CNTN4: variants seen among roughly 807,000 people sequenced by gnomAD.
CNTN4 encodes contactin 4, also known as contactin-4.
Under a neutral mutation model 122.5 loss-of-function variants are expected in CNTN4, and 77 were observed. That is an observed-to-expected ratio of 0.63 (90% confidence interval 0.52 to 0.76). The LOEUF is 0.76. Among genes scored for constraint, CNTN4 ranks in the 30% least tolerant of loss-of-function variants. The pLI, the probability that CNTN4 is intolerant of heterozygous loss-of-function variation, is 0.00. For missense variants in CNTN4, 1,256 were observed against 1,259.1 expected, an observed-to-expected ratio of 1.00 and a Z score of 0.04; for synonymous variants, 512 against 447.0, an observed-to-expected ratio of 1.15 and a Z score of -1.83.
At chr3:2,898,737 A>G (rs1469204203) in intron 10 of CNTN4, among the ~76,000 whole-genome samples, 1 of 150,984 alleles carries the variant, frequency 6.6e-6, no homozygotes, top group Non-Finnish European at 1.5e-5. Context: ...TTTTTTCCTC[A>G]CTCTCTTTCA....
intron 14 of CNTN4, among the ~76,000 whole-genome samples, chr3:3,022,825 T>A (rs1698415486): frequency 6.6e-6 from 1 of 152,182 alleles, no homozygotes; most frequent in South Asian, 2.1e-4. Context: ...CTACACAGTA[T>A]GAACCAACCA....
At chr3:2,884,487 T>A (rs765014378) in intron 9 of CNTN4, among the ~76,000 whole-genome samples, 84 of 152,114 alleles carry the variant, frequency 5.5e-4, no homozygotes, top group Admixed American at 2.1e-3. Flanking sequence ...AATTAAGACA[T>A]AATTATAGGA....
intron 10 of CNTN4, among the ~76,000 whole-genome samples, chr3:2,896,989 G>A (rs1270294101): frequency 6.8e-6 from 1 of 147,464 alleles, no homozygotes; most frequent in Non-Finnish European, 1.5e-5. Flanking sequence ...AATTTCTAAG[G>A]CCTAAGGCAT....
intron 2 of CNTN4, among the ~76,000 whole-genome samples, chr3:2,216,028 A>G (rs1268176405): frequency 1.3e-5 from 2 of 152,162 alleles, no homozygotes; most frequent in African/African-American, 2.4e-5. Context: ...CAGCAATCCC[A>G]TTACTGAGTA....
chr3:2,809,061 C>G, intron 6 of CNTN4, among the ~76,000 whole-genome samples: 1 of 152,232 alleles, frequency 6.6e-6, no homozygotes, highest in East Asian at 1.9e-4. Context: ...CTCATAAAAA[C>G]TGGCAAGATT....
chr3:2,739,619 T>A (rs1425415413), intron 5 of CNTN4, among the ~76,000 whole-genome samples: 3 of 152,044 alleles, frequency 2.0e-5, no homozygotes, highest in African/African-American at 7.3e-5. Context: ...AAGCAAAACT[T>A]TACCCCTCCT....
At chr3:2,609,860 A>T (rs1021411073) in intron 4 of CNTN4, among the ~76,000 whole-genome samples, 8 of 152,150 alleles carry the variant, frequency 5.3e-5, no homozygotes, top group Non-Finnish European at 1.5e-5. Flanking sequence ...GTGCAACTTT[A>T]TATGTAGCAC....
At position 2,264,077 on chromosome 3, in the gene CNTN4, G is replaced by A. The variant is rs545937581; in HGVS notation, c.-144-75101G>A. Among the ~76,000 whole-genome samples, 24 of 152,236 alleles carry A rather than the reference G, an allele frequency of 1.6e-4. No individual in the cohort carries two copies. The South Asian group carries it at 4.8e-3, about 30-fold the overall frequency. ...TATGAATAGTGCTGCAGTAAGCACG[G>A]CAGTGCAGATATCTCTTCCATATAC... On this transcript the variant is annotated intron_variant, in intron 2 of 24. Transcript: ENST00000418658.
At chr3:2,489,943 G>T (rs1427121640) in intron 3 of CNTN4, among the ~76,000 whole-genome samples, 1 of 152,078 alleles carries the variant, frequency 6.6e-6, no homozygotes, top group African/African-American at 2.4e-5. Flanking sequence ...AGTCTATTCT[G>T]CCATTTTATA....
intron 6 of CNTN4, among the ~76,000 whole-genome samples, chr3:2,771,726 T>G (rs979053021): frequency 6.6e-6 from 1 of 152,170 alleles, no homozygotes; most frequent in Admixed American, 6.5e-5. Flanking sequence ...GATCTTGTAC[T>G]TTAGTGGAAG....
At position 2,248,932 on chromosome 3, in the gene CNTN4, A is replaced by C. The variant is rs115481850; in HGVS notation, c.-144-90246A>C. 4.1e-3 allele frequency among the ~76,000 whole-genome samples: 628 copies of C among 152,042 alleles called. 2 individuals carry two copies. The highest frequency in any genetic ancestry group is 5.6e-3 in the Non-Finnish European group (382 of 67,864). ...GAAAAGGCTACAATGCAGATACGAA[A>C]GGTATTCCCTCGTACCCTCCAAACG... On this transcript the variant is annotated intron_variant, in intron 2 of 24. Coordinates refer to ENST00000418658, the MANE Select transcript of CNTN4 (RefSeq NM_175607.3).
intron 2 of CNTN4, chr3:2,144,240 A>G (rs934831524): frequency 6.6e-6 from 1 of 152,288 alleles, no homozygotes; most frequent in South Asian, 2.1e-4. Context: ...TACAGCTTAC[A>G]TATCAGGCCT....
At chr3:2,526,870 G>A (rs2077415423) in intron 3 of CNTN4, among the ~76,000 whole-genome samples, 1 of 152,140 alleles carries the variant, frequency 6.6e-6, no homozygotes, top group Non-Finnish European at 1.5e-5. Context: ...TGCTAACAGA[G>A]CAGCATATGT....
rs1375615142 is a variant in CNTN4 at position 3,034,805 on chromosome 3, G to T, written c.1942+15G>T. ...AGTCAGTACAGGTACCATATTGGAT[G>T]CTTGGCTCAGAGACATTGGGAACTC... is the stretch of plus-strand genomic sequence containing the variant. On this transcript the variant is annotated intron_variant, in intron 17 of 24. Transcript: ENST00000418658. 6.2e-7 allele frequency: 1 copy of T among 1,614,012 alleles called. No individual in the cohort carries two copies. Among genetic ancestry groups the T allele is most frequent in the Non-Finnish European group, 8.5e-7 (1 of 1,179,896 alleles).
At chr3:2,974,455 C>T (rs904561151) in intron 13 of CNTN4, among the ~76,000 whole-genome samples, 2 of 152,182 alleles carry the variant, frequency 1.3e-5, no homozygotes, top group Non-Finnish European at 1.5e-5. Context: ...TTAACCTTCT[C>T]ACAAAAAACC....
intron 2 of CNTN4, among the ~76,000 whole-genome samples, chr3:2,335,725 C>G (rs536518672): frequency 1.3e-5 from 2 of 152,066 alleles, no homozygotes; most frequent in Non-Finnish European, 2.9e-5. Flanking sequence ...AATACAGCAA[C>G]TGAACATTTT....
chr3:2,774,155 G>A (rs530148474), intron 6 of CNTN4, among the ~76,000 whole-genome samples: 1 of 152,206 alleles, frequency 6.6e-6, no homozygotes, highest in African/African-American at 2.4e-5. Flanking sequence ...CAGTTACCCG[G>A]GAGGCTGAGG....
At chr3:2,205,229 TAAA>T (rs1277071314) in intron 2 of CNTN4, among the ~76,000 whole-genome samples, 1 of 150,892 alleles carries the variant, frequency 6.6e-6, no homozygotes, top group Non-Finnish European at 1.5e-5. Flanking sequence ...TTTTTAATAA[TAAA>T]AAGTTTTTTT....
At chr3:2,170,769 C>T (rs2036467654) in intron 2 of CNTN4, among the ~76,000 whole-genome samples, 2 of 151,904 alleles carry the variant, frequency 1.3e-5, no homozygotes, top group Admixed American at 1.3e-4. Flanking sequence ...TTAAAATGTA[C>T]TGTCAGTAAA....
Sources: gnomAD v4.1 joint callset for allele counts (sites outside exome capture counted in the v4.1 genomes callset) on GRCh38, gnomAD v4.1.1 for gene constraint, MANE v1.5 for transcripts, NCBI Gene and HGNC (gene_info 2026-07-23, HGNC 2026-07-21) for gene names.